Variants in SLX4 observed in about 807,000 individuals in gnomAD.
SLX4 encodes the protein structure-specific endonuclease subunit SLX4.
In SLX4, 112 loss-of-function variants were observed where a neutral mutation model predicts 146.2. The ratio of observed to expected loss-of-function variants is 0.77; its 90% CI spans 0.66 to 0.90. The LOEUF (loss-of-function observed/expected upper bound fraction) is 0.90, where lower values mean the gene tolerates loss of function less well. SLX4 is among the 40% of genes least tolerant of loss of function. SLX4 has a pLI of 0.00. For missense variants in SLX4, 2,563 were observed against 2,392.7 expected (o/e 1.07, Z -1.49); for synonymous variants, 1,061 against 997.7 (o/e 1.06, Z -1.20).
intron 12 of SLX4, among the ~76,000 whole-genome samples, chr16:3,587,358 TGGTGCTG>T (rs2040519372): frequency 6.6e-6 from 1 of 151,982 alleles, no homozygotes; most frequent in African/African-American, 2.4e-5. Context: ...TAGCTGGGCG[TGGTGCTG>T]GGTGCCTGTA....
chr16:3,594,020 C>T (rs932310831), intron 10 of SLX4, among the ~76,000 whole-genome samples: 8 of 152,026 alleles, frequency 5.3e-5, no homozygotes, highest in Middle Eastern at 3.2e-3. Flanking sequence ...TACAGGCGCC[C>T]GCCACCATGC....
intron 3 of SLX4, 104 bp from the exon 4 acceptor site, chr16:3,602,411 C>G (rs906286755): frequency 7.3e-7 from 1 of 1,376,678 alleles, no homozygotes; most frequent in Non-Finnish European, 1.0e-6. Context: ...GCAGGTGGAA[C>G]GCAAAGAAAC....
At chr16:3,609,590 AG>A (rs1452829016) in intron 1 of SLX4, 24 bp from the exon 2 acceptor site, 1 of 153,120 alleles carries the variant, frequency 6.5e-6, no homozygotes, top group African/African-American at 2.4e-5. Flanking sequence ...AAAGCATGTA[AG>A]TGTAATCAGA....
At chr16:3,588,868 C>T (rs2040538400) in intron 12 of SLX4, 134 bp downstream of exon 12, 3 of 1,094,698 alleles carry the variant, frequency 2.7e-6, no homozygotes, top group Non-Finnish European at 4.2e-6. Context: ...GTCTGGAAGG[C>T]AGCGGAAGTG....
In SLX4 at chr16:3,589,222, G is replaced by A. The variant is rs374692299; in HGVS notation, c.4416C>T (p.Leu1472=). The A allele has an allele frequency of 1.2e-6, 2 of 1,610,784 alleles. No homozygotes were observed. The highest frequency in any genetic ancestry group is 2.7e-5 in the African/African-American group (2 of 74,942). Residue 1472 remains leucine (L), a synonymous_variant, in exon 12 of 15, where the codon CTC becomes CTT. Transcript: ENST00000294008. The surrounding 1 kb of genome is among the most constrained non-coding windows in gnomAD (Gnocchi z 6.2). ...ADSRDCRSPG[L]LDTTPIRGSC... ...TTCCTCGGATGGGGGTGGTGTCCAGGAGTCCCGGGGAGCGACAGTCACGGC... is the reference window on the plus strand; with the variant it reads ...TTCCTCGGATGGGGGTGGTGTCCAGAAGTCCCGGGGAGCGACAGTCACGGC...
intron 3 of SLX4, among the ~76,000 whole-genome samples, chr16:3,602,648 C>CT (rs1318880312): frequency 7.2e-5 from 11 of 152,230 alleles, no homozygotes; most frequent in African/African-American, 2.7e-4. Flanking sequence ...CAGGACCACT[C>CT]TGAGTAGCAA....
Position 3,590,327 on chromosome 16 carries a change from C to T in SLX4, c.3311G>A (p.Arg1104Gln), listed in dbSNP as rs767093188. Reference protein sequence around the residue: ...EPGHQKGKERRSVLECRNKGV... With the variant: ...EPGHQKGKERQSVLECRNKGV... ...CTTATTTCTGCACTCCAGCACGGAC[C>T]GACGCTCTTTGCCTTTCTGGTGCCC... The change falls in exon 12 of 15, where the codon CGG becomes CAG. Residue 1104 changes from arginine to glutamine, a missense_variant. Arg to Gln is a conservative substitution (Grantham distance 43). Coordinates refer to ENST00000294008, the MANE Select transcript of SLX4 (RefSeq NM_032444.4). The surrounding 1 kb of genome is among the most constrained non-coding windows in gnomAD (Gnocchi z 4.8). 6.2e-6 allele frequency: 10 copies of T among 1,614,192 alleles called. No individual in the cohort carries two copies. Among genetic ancestry groups the T allele is most frequent in the South Asian group, 1.1e-5 (1 of 91,084 alleles).
Position 3,596,143 on chromosome 16 carries a change from A to G in SLX4, c.1924+10T>C. ...CAGGGCTGGCCCTAGAGTCCCACCC[A>G]GCATCTCACCTGCAGTCCCTTCCGA... is the stretch of plus-strand genomic sequence containing the variant. On this transcript the variant is annotated intron_variant, in intron 8 of 14. Transcript: ENST00000294008. 1 of 1,548,640 alleles carries G rather than the reference A, an allele frequency of 6.5e-7. No individual in the cohort carries two copies. Among genetic ancestry groups the G allele is most frequent in the East Asian group, 2.4e-5 (1 of 41,120 alleles).
intron 12 of SLX4, among the ~76,000 whole-genome samples, chr16:3,586,379 G>T (rs1357006061): frequency 6.6e-6 from 1 of 152,008 alleles, no homozygotes; most frequent in African/African-American, 2.4e-5. Flanking sequence ...AAATTAGCTG[G>T]GCATGGTGGC....
Position 3,608,548 on chromosome 16 carries a change from C to G in SLX4, c.417G>C (p.Gly139=). 6.2e-7 allele frequency: 1 copy of G among 1,614,212 alleles called. No homozygotes were observed. Among genetic ancestry groups the G allele is most frequent in the South Asian group, 1.1e-5 (1 of 91,084 alleles). Reference sequence around the variant, plus strand: ...GAGCAGAGGCAAGCACACCCCCCTCCCCATTCACAGAGTGGGCCGGTTCAC... The same window carrying G: ...GAGCAGAGGCAAGCACACCCCCCTCGCCATTCACAGAGTGGGCCGGTTCAC... ...QASEPAHSVN[G]EGGVLASAPD... is the part of the protein sequence containing the mutation. The change falls in exon 2 of 15, where the codon GGG becomes GGC. Residue 139 remains glycine (G), a synonymous_variant. Coordinates refer to ENST00000294008, the MANE Select transcript of SLX4 (RefSeq NM_032444.4).
chr16:3,609,091 T>A lies in SLX4; in HGVS notation c.-127A>T. On this transcript the variant is annotated 5_prime_UTR_variant, in exon 2 of 15. Coordinates refer to ENST00000294008, the MANE Select transcript of SLX4 (RefSeq NM_032444.4). ...AATTGGGCCTGTGGTTAAACATGTT[T>A]AAAGCTTCCCTCTGTTAAAGTCCAC... 1.7e-6 allele frequency: 2 copies of A among 1,189,860 alleles called. No homozygotes were observed. The highest frequency in any genetic ancestry group is 1.2e-6 in the Non-Finnish European group (1 of 839,784). The allele number at this position is 1,189,860 out of a possible 1,614,324, so 73.7% of individuals were successfully genotyped here. A position where few individuals can be genotyped will look rare whatever the true frequency, so the allele number is the denominator to read the frequency against.
chr16:3,590,539 G>A lies in SLX4; in HGVS notation c.3099C>T (p.Cys1033=), dbSNP rs2151124341. 1 of 1,612,960 alleles carries A rather than the reference G, an allele frequency of 6.2e-7. No homozygotes were observed. Among genetic ancestry groups the A allele is most frequent in the African/African-American group, 1.3e-5 (1 of 75,022 alleles). Residue 1033 remains cysteine, a synonymous_variant, in exon 12 of 15, where the codon TGC becomes TGT. Coordinates refer to ENST00000294008, the MANE Select transcript of SLX4 (RefSeq NM_032444.4). The surrounding 1 kb of genome is among the most constrained non-coding windows in gnomAD (Gnocchi z 4.8). The part of the protein sequence containing the change: ...APWQASPPHP[C]RFLLGPPQGG... ...CCTGGGGAGGCCCCAATAGGAAGCG[G>A]CACGGGTGCGGTGGAGATGCCTGCC...
At chr16:3,585,414 G>C (rs534220972) in intron 12 of SLX4, among the ~76,000 whole-genome samples, 2 of 151,914 alleles carry the variant, frequency 1.3e-5, no homozygotes, top group African/African-American at 4.8e-5. Flanking sequence ...GTGAAACCCC[G>C]TCTCTATTAA....
Position 3,590,931 on chromosome 16 carries a change from C to T in SLX4, c.2707G>A (p.Val903Met). The T allele has an allele frequency of 6.2e-7, 1 of 1,614,192 alleles. No homozygotes were observed. Among genetic ancestry groups the T allele is most frequent in the Non-Finnish European group, 8.5e-7 (1 of 1,180,034 alleles). The stretch of plus-strand genomic sequence containing the variant: ...GGCTCCAACGGCTCCATCTCCTCCA[C>T]CTTGTCCCACTGTTTCTGCACCTGG... ...GVQVQKQWDK[V>M]EEMEPLEPGR... is the part of the protein sequence containing the mutation. The change falls in exon 12 of 15, where the codon GTG (valine) becomes ATG (methionine). Residue 903 changes from valine (V) to methionine (M), a missense_variant. Val to Met is a conservative substitution (Grantham distance 21). Coordinates refer to ENST00000294008, the MANE Select transcript of SLX4 (RefSeq NM_032444.4). This position sits in a 1 kb window ranked among gnomAD's most constrained non-coding sequence, Gnocchi z 4.8.
At position 3,597,255 on chromosome 16, in the gene SLX4, C is replaced by T; in HGVS notation, c.1683+124G>A. The T allele has an allele frequency of 8.7e-7, 1 of 1,152,744 alleles. No homozygotes were observed. The highest frequency in any genetic ancestry group is 1.2e-6 in the Non-Finnish European group (1 of 836,740). 71.4% of individuals were successfully genotyped at this position (1,152,744 alleles called of 1,614,324 possible). ...CAGCCACCAAGTGCCCCTCTGGCCTCCTCCCGCCTCTGCCTTTCCTTCCTG... is the reference window on the plus strand; with the variant it reads ...CAGCCACCAAGTGCCCCTCTGGCCTTCTCCCGCCTCTGCCTTTCCTTCCTG... On this transcript the variant is annotated intron_variant, in intron 7 of 14. Coordinates refer to ENST00000294008, the MANE Select transcript of SLX4 (RefSeq NM_032444.4). The surrounding 1 kb of genome is among the most constrained non-coding windows in gnomAD (Gnocchi z 4.4).
Position 3,582,280 on chromosome 16 carries a change from C to T in SLX4, c.*62G>A. On this transcript the variant is annotated 3_prime_UTR_variant, in exon 15 of 15. Transcript: ENST00000294008. ...CCCACGCTGGGTGTCCCAGGTCCTC[C>T]CTGCAAATGGCGGGGGTGGGGGCTG... 3 of 1,479,784 alleles carry T rather than the reference C, an allele frequency of 2.0e-6. No individual in the cohort carries two copies. Among genetic ancestry groups the T allele is most frequent in the Non-Finnish European group, 2.8e-6 (3 of 1,084,954 alleles). The allele number at this position is 1,479,784 out of a possible 1,614,324, so 91.7% of individuals were successfully genotyped here.
At chr16:3,595,529 G>A (rs909735203) in intron 9 of SLX4, 76 bp downstream of exon 9, 40 of 1,540,498 alleles carry the variant, frequency 2.6e-5, no homozygotes, top group Admixed American at 1.0e-4. Flanking sequence ...AGAGGCCAGC[G>A]GTGAGCCAAC....
intron 11 of SLX4, among the ~76,000 whole-genome samples, chr16:3,592,118 G>C (rs112308041): frequency 7.9e-5 from 12 of 152,388 alleles, no homozygotes; most frequent in African/African-American, 2.6e-4. Context: ...TGGCCCGTCA[G>C]TATATTTCCA....
rs770785594 is a variant in SLX4, at chr16:3,589,478, G to A, written c.4160C>T (p.Thr1387Ile). Residue 1387 changes from threonine (T) to isoleucine (I), a missense_variant, in exon 12 of 15, where the codon ACC (threonine) becomes ATC (isoleucine). Physicochemically the swap from Thr to Ile is moderately conservative, Grantham distance 89 (BLOSUM62 -1). Transcript: ENST00000294008. The surrounding 1 kb of genome is among the most constrained non-coding windows in gnomAD (Gnocchi z 6.2). ...SPPGPSFLNQTPAGEVVEVGD... is the reference protein window; with the variant it reads ...SPPGPSFLNQIPAGEVVEVGD... The stretch of plus-strand genomic sequence containing the variant: ...GACTTCCACCACTTCACCCGCTGGG[G>A]TCTGGTTCAGGAAGCTTGGCCCAGG... 1 of 1,609,706 alleles carries A rather than the reference G, an allele frequency of 6.2e-7. No individual in the cohort carries two copies. Among genetic ancestry groups the A allele is most frequent in the Non-Finnish European group, 8.5e-7 (1 of 1,176,776 alleles).
Sources: gnomAD v4.1 joint callset for allele counts (sites outside exome capture counted in the v4.1 genomes callset) on GRCh38, gnomAD v4.1.1 for gene constraint, Gnocchi (gnomAD v3.1) non-coding constraint, MANE v1.5 for transcripts, NCBI Gene and HGNC (gene_info 2026-07-23, HGNC 2026-07-21) for gene names.